Variants in PTPRD observed in about 807,000 individuals in gnomAD.
PTPRD encodes the protein protein tyrosine phosphatase receptor type D, also known as receptor-type tyrosine-protein phosphatase delta.
A neutral mutation model predicts 214.5 loss-of-function variants in PTPRD; 34 were observed. That is an observed-to-expected ratio of 0.16 (90% confidence interval 0.12 to 0.21). The LOEUF (loss-of-function observed/expected upper bound fraction) is 0.21, where lower values mean the gene tolerates loss of function less well. PTPRD is among the 10% of genes least tolerant of loss of function. PTPRD has a pLI of 1.00. For synonymous variants in PTPRD, 1,128 were observed against 845.7 expected, an observed-to-expected ratio of 1.33 and a Z score of -5.79; for missense variants, 2,545 against 2,398.7, an observed-to-expected ratio of 1.06 and a Z score of -1.27.
intron 7 of PTPRD, among the ~76,000 whole-genome samples, chr9:9,633,680 G>A (rs1164914219): frequency 6.6e-6 from 1 of 152,148 alleles, no homozygotes; most frequent in Non-Finnish European, 1.5e-5. Context: ...TCTAAAGGTT[G>A]TAGGTTATCC....
intron 10 of PTPRD, among the ~76,000 whole-genome samples, chr9:9,062,588 C>G (rs2099709594): frequency 1.4e-5 from 2 of 140,604 alleles, no homozygotes; most frequent in Admixed American, 1.4e-4. Context: ...ATCTACCTAC[C>G]TACCATCTAT....
intron 11 of PTPRD, among the ~76,000 whole-genome samples, chr9:8,841,442 T>C (rs57703263): frequency 1.3e-5 from 2 of 152,312 alleles, no homozygotes; most frequent in East Asian, 3.9e-4. Flanking sequence ...TTTTTTTTAA[T>C]TAAAAAATGT....
intron 2 of PTPRD, among the ~76,000 whole-genome samples, chr9:10,588,356 C>G (rs1036874999): frequency 2.7e-5 from 4 of 150,776 alleles, no homozygotes; most frequent in African/African-American, 7.3e-5. Flanking sequence ...TAGTAACTAT[C>G]TTACAAACTC....
intron 8 of PTPRD, among the ~76,000 whole-genome samples, chr9:9,511,585 T>C (rs2096710265): frequency 6.6e-6 from 1 of 151,762 alleles, no homozygotes; most frequent in African/African-American, 2.4e-5. Flanking sequence ...AAACGTTAAA[T>C]TAAAATAAAT....
chr9:8,409,467 T>G (rs1162844450), intron 35 of PTPRD, among the ~76,000 whole-genome samples: 14 of 152,200 alleles, frequency 9.2e-5, no homozygotes, highest in Non-Finnish European at 1.5e-5. Context: ...TGTGTAGTAC[T>G]GCTGAACTCT....
intron 5 of PTPRD, among the ~76,000 whole-genome samples, chr9:9,877,200 C>T (rs1464714665): frequency 6.6e-6 from 1 of 152,174 alleles, no homozygotes; most frequent in Non-Finnish European, 1.5e-5. Flanking sequence ...GTGAGTCATG[C>T]ATCTCCTGAG....
At chr9:9,733,302 G>A (rs2098232372) in intron 7 of PTPRD, among the ~76,000 whole-genome samples, 1 of 152,186 alleles carries the variant, frequency 6.6e-6, no homozygotes, top group Non-Finnish European at 1.5e-5. Flanking sequence ...GATGGAGAGA[G>A]ACAAAGCATA....
At position 10,459,569 on chromosome 9, in the gene PTPRD, C is replaced by G. The variant is rs569593226; in HGVS notation, c.-599-118552G>C. On this transcript the variant is annotated intron_variant, in intron 2 of 45. Coordinates refer to ENST00000381196, the MANE Select transcript of PTPRD (RefSeq NM_002839.4). ...ACATCCTCTCCAGCATCTGTTGTTT[C>G]CTGACTTTTTAATGATCGCCATTCT... 2.6e-5 allele frequency among the ~76,000 whole-genome samples: 4 copies of G among 152,258 alleles called. No homozygotes were observed. In the East Asian group the frequency reaches 5.8e-4, roughly 22 times the overall value.
At chr9:9,351,180 A>C (rs1328846428) in intron 9 of PTPRD, among the ~76,000 whole-genome samples, 1 of 152,054 alleles carries the variant, frequency 6.6e-6, no homozygotes, top group Non-Finnish European at 1.5e-5. Context: ...AACCAAATGT[A>C]CAGATTTGAG....
intron 9 of PTPRD, among the ~76,000 whole-genome samples, chr9:9,328,614 CTTGCTTTTTTTTT>C (rs2041014774): frequency 1.8e-4 from 7 of 39,074 alleles, no homozygotes; most frequent in African/African-American, 4.5e-4. Flanking sequence ...TGTTGTTGTT[CTTGCTTTTTTTTT>C]TTTTTTTTTT....
intron 11 of PTPRD, among the ~76,000 whole-genome samples, chr9:8,876,442 A>C (rs1490285548): frequency 6.6e-6 from 1 of 152,204 alleles, no homozygotes; most frequent in Non-Finnish European, 1.5e-5. Flanking sequence ...AAAAAATGTC[A>C]TGAGTTCTGA....
Position 9,285,796 on chromosome 9 carries a change from G to A in PTPRD, c.-202-102433C>T, listed in dbSNP as rs185242370. On this transcript the variant is annotated intron_variant, in intron 9 of 45. Coordinates refer to ENST00000381196, the MANE Select transcript of PTPRD (RefSeq NM_002839.4). ...GTTTCTTCATCTTAGTAAATGAGAT[G>A]CATAATCTCATCTGCTTTCATGGCC... Among the ~76,000 whole-genome samples the A allele has an allele frequency of 5.3e-4, 81 of 151,846 alleles. 1 individual carries two copies. The East Asian group carries it at 0.011, about 21-fold the overall frequency.
intron 3 of PTPRD, among the ~76,000 whole-genome samples, chr9:10,087,559 T>C (rs1239352490): frequency 1.3e-5 from 2 of 151,564 alleles, no homozygotes; most frequent in South Asian, 2.1e-4. Flanking sequence ...CAGGAAGAAA[T>C]CTGGTAACAC....
intron 3 of PTPRD, among the ~76,000 whole-genome samples, chr9:10,166,374 A>AT (rs58443812): frequency 0.039 from 5,955 of 150,868 alleles, 123 homozygotes; most frequent in Middle Eastern, 0.072. Flanking sequence ...GCCAATGCTG[A>AT]TTTTTTTTTG....
At chr9:9,182,165 A>G (rs574641891) in intron 10 of PTPRD, among the ~76,000 whole-genome samples, 30 of 152,156 alleles carry the variant, frequency 2.0e-4, no homozygotes, top group African/African-American at 6.7e-4. Context: ...ATTTACTACA[A>G]TCTTCGTTAT....
At chr9:10,263,043 T>A (rs532264783) in intron 3 of PTPRD, among the ~76,000 whole-genome samples, 1 of 152,176 alleles carries the variant, frequency 6.6e-6, no homozygotes, top group Non-Finnish European at 1.5e-5. Flanking sequence ...CCTGCCACCA[T>A]GTAAGGTGTG....
intron 3 of PTPRD, among the ~76,000 whole-genome samples, chr9:10,141,575 C>T (rs1358886489): frequency 6.6e-6 from 1 of 152,030 alleles, no homozygotes; most frequent in Non-Finnish European, 1.5e-5. Context: ...AGGAGAACTA[C>T]AAACCACTGC....
At chr9:10,146,150 C>CACATATATAT (rs1296325043) in intron 3 of PTPRD, among the ~76,000 whole-genome samples, 1 of 147,326 alleles carries the variant, frequency 6.8e-6, no homozygotes, top group Middle Eastern at 3.6e-3. Context: ...TGAAATCATC[C>CACATATATAT]ATATATATAT....
At chr9:9,735,785 G>C (rs1354894212) in intron 6 of PTPRD, among the ~76,000 whole-genome samples, 1 of 151,996 alleles carries the variant, frequency 6.6e-6, no homozygotes, top group Non-Finnish European at 1.5e-5. Flanking sequence ...TTTGTCCATG[G>C]ATCTTAGTTC....
Sources: gnomAD v4.1 joint callset for allele counts (sites outside exome capture counted in the v4.1 genomes callset) on GRCh38, gnomAD v4.1.1 for gene constraint, MANE v1.5 for transcripts, NCBI Gene and HGNC (gene_info 2026-07-23, HGNC 2026-07-21) for gene names.